The following NFIX variants were observed in gnomAD, a reference collection of about 807,000 sequenced individuals.
NFIX encodes nuclear factor I X, also known as nuclear factor 1 X-type.
NFIX carries 2 observed loss-of-function variants against 53.3 expected under a neutral mutation model. That is an observed-to-expected ratio of 0.04 (90% CI 0.02 to 0.12). The LOEUF is 0.12. Among genes scored for constraint, NFIX ranks in the 10% least tolerant of loss-of-function variants. The pLI is 1.00. For missense variants in NFIX, 310 were observed against 674.5 expected (o/e 0.46, Z 5.99); for synonymous variants, 244 against 289.0 (o/e 0.84, Z 1.58).
rs768488517 is a variant in NFIX at position 13,028,427 on chromosome 19, G to C, written c.559+2875G>C. Among the ~76,000 whole-genome samples the C allele has an allele frequency of 6.6e-6, 1 of 152,184 alleles. No homozygotes were observed. The highest frequency in any genetic ancestry group is 1.5e-5 in the Non-Finnish European group (1 of 68,044). The stretch of plus-strand genomic sequence containing the variant: ...ATGTGGTGGTAAATGTGGGGGTGTG[G>C]CTTTGCTCCCAGGTGCCATTGTCAC... On this transcript the variant is annotated intron_variant, in intron 2 of 10. Transcript: ENST00000592199. The surrounding 1 kb of genome is among the most constrained non-coding windows in gnomAD (Gnocchi z 4.2).
rs1420907344 is a variant in NFIX, at chr19:13,060,802, C to T, written c.560-12245C>T. Among the ~76,000 whole-genome samples the T allele has an allele frequency of 6.6e-6, 1 of 151,680 alleles. No individual in the cohort carries two copies. The highest frequency in any genetic ancestry group is 2.4e-5 in the African/African-American group (1 of 41,278). ...CACCTCGGCTAACCTCCCAGCGGAA[C>T]AAAGGGGCCTTTCTCCACGCCCGCC... On this transcript the variant is annotated intron_variant, in intron 2 of 10. Transcript: ENST00000592199. The surrounding 1 kb of genome is among the most constrained non-coding windows in gnomAD (Gnocchi z 4.3).
In NFIX at chr19:13,022,487, C is replaced by T. The variant is rs1234977037; in HGVS notation, c.28-2534C>T. On this transcript the variant is annotated intron_variant, in intron 1 of 10. Transcript: ENST00000592199. The surrounding 1 kb of genome is among the most constrained non-coding windows in gnomAD (Gnocchi z 4.5). ...GCCCTGGAAGTACTGCTGGCATGGACACTTTCTGAGCTCTCTTTCTTCTTA... is the reference window on the plus strand; with the variant it reads ...GCCCTGGAAGTACTGCTGGCATGGATACTTTCTGAGCTCTCTTTCTTCTTA... 3.3e-5 allele frequency among the ~76,000 whole-genome samples: 5 copies of T among 152,098 alleles called. No homozygotes were observed. Among genetic ancestry groups the T allele is most frequent in the Non-Finnish European group, 7.4e-5 (5 of 68,020 alleles).
chr19:12,997,352 CGT>C (rs1345557624), intron 1 of NFIX, among the ~76,000 whole-genome samples: 2 of 152,316 alleles, frequency 1.3e-5, no homozygotes, highest in East Asian at 3.9e-4. Flanking sequence ...GTGGCATGGC[CGT>C]GTGTGTGGCC....
chr19:13,051,827 G>A lies in NFIX; in HGVS notation c.560-21220G>A, dbSNP rs1324288970. On this transcript the variant is annotated intron_variant, in intron 2 of 10. Coordinates refer to ENST00000592199, the MANE Select transcript of NFIX (RefSeq NM_001365902.3). The surrounding 1 kb of genome is among the most constrained non-coding windows in gnomAD (Gnocchi z 5.1). ...AGGGGTTAAAGAAACACAACCCGCC[G>A]CTGCCGCCTTAGCAGGTGCCTGGAG... Among the ~76,000 whole-genome samples, 4 of 152,332 alleles carry A rather than the reference G, an allele frequency of 2.6e-5. 1 individual carries two copies. In the South Asian group the frequency reaches 6.2e-4, roughly 24 times the overall value.
At chr19:13,019,994 C>T (rs1404161309) in intron 1 of NFIX, among the ~76,000 whole-genome samples, 3 of 151,698 alleles carry the variant, frequency 2.0e-5, no homozygotes, top group Non-Finnish European at 2.9e-5. Context: ...CCCCATTTCC[C>T]ATGTCCTTCT....
rs1357886881 is a variant in NFIX, at chr19:13,037,839, G to C, written c.559+12287G>C. On this transcript the variant is annotated intron_variant, in intron 2 of 10. Transcript: ENST00000592199. This position sits in a 1 kb window ranked among gnomAD's most constrained non-coding sequence, Gnocchi z 4.2. ...GGGAGGGTGCTATTGGAATCTAGTG[G>C]GAAGAGTCTACTGCATATGACAGTC... 1.3e-5 allele frequency among the ~76,000 whole-genome samples: 2 copies of C among 152,206 alleles called. No individual in the cohort carries two copies. Among genetic ancestry groups the C allele is most frequent in the East Asian group, 3.9e-4 (2 of 5,180 alleles).
Position 12,998,253 on chromosome 19 carries a change from C to T in NFIX, c.27+2389C>T, listed in dbSNP as rs1042570891. Among the ~76,000 whole-genome samples the T allele has an allele frequency of 6.6e-6, 1 of 152,004 alleles. No homozygotes were observed. The highest frequency in any genetic ancestry group is 6.6e-5 in the Admixed American group (1 of 15,248). Reference sequence around the variant, plus strand: ...TCTCTGATTCCAGTTTTGGCCCCATCTCTGCTCCCCCCTCCACTGGCGTCT... The same window carrying T: ...TCTCTGATTCCAGTTTTGGCCCCATTTCTGCTCCCCCCTCCACTGGCGTCT... On this transcript the variant is annotated intron_variant, in intron 1 of 10. Transcript: ENST00000592199. This position sits in a 1 kb window ranked among gnomAD's most constrained non-coding sequence, Gnocchi z 4.4.
At chr19:13,039,760 G>A (rs775449091) in intron 2 of NFIX, among the ~76,000 whole-genome samples, 19 of 152,174 alleles carry the variant, frequency 1.2e-4, no homozygotes, top group Non-Finnish European at 2.1e-4. Context: ...CTGGAATCTT[G>A]GAGCTGGGAC....
At chr19:13,076,763 G>A (rs1042351956) in intron 6 of NFIX, among the ~76,000 whole-genome samples, 21 of 152,328 alleles carry the variant, frequency 1.4e-4, no homozygotes, top group African/African-American at 4.8e-4. Flanking sequence ...GTGGAGCGAG[G>A]TGGGGCTGGG....
At position 13,006,615 on chromosome 19, in the gene NFIX, G is replaced by C. The variant is rs1276516031; in HGVS notation, c.27+10751G>C. Among the ~76,000 whole-genome samples, 2 of 152,170 alleles carry C rather than the reference G, an allele frequency of 1.3e-5. No homozygotes were observed. Among genetic ancestry groups the C allele is most frequent in the African/African-American group, 2.4e-5 (1 of 41,446 alleles). ...ATTTAGCTCCCCCGGGGCGGGCTGG[G>C]TTTATTTTTACCCCAGCCTGTCACC... On this transcript the variant is annotated intron_variant, in intron 1 of 10. Coordinates refer to ENST00000592199, the MANE Select transcript of NFIX (RefSeq NM_001365902.3). The surrounding 1 kb of genome is among the most constrained non-coding windows in gnomAD (Gnocchi z 5.6).
rs192117619 is a variant in NFIX at position 13,068,968 on chromosome 19, G to A, written c.560-4079G>A. 3.3e-5 allele frequency among the ~76,000 whole-genome samples: 5 copies of A among 152,352 alleles called. No individual in the cohort carries two copies. The highest frequency in any genetic ancestry group is 3.9e-4 in the East Asian group (2 of 5,188). The stretch of plus-strand genomic sequence containing the variant: ...GCCTGGCCCAGAAACCAGGGACCCC[G>A]AATGCCAGCCTGGCCAAGGCACCTG... On this transcript the variant is annotated intron_variant, in intron 2 of 10. Transcript: ENST00000592199. The surrounding 1 kb of genome is among the most constrained non-coding windows in gnomAD (Gnocchi z 4.2).
chr19:13,085,182 A>C (rs952402335), intron 8 of NFIX, among the ~76,000 whole-genome samples: 8 of 152,220 alleles, frequency 5.3e-5, no homozygotes, highest in Non-Finnish European at 8.8e-5. Context: ...TGAGGTTTTT[A>C]AAACCTCAAC....
rs2014785413 is a variant in NFIX, at chr19:13,043,603, AG to A, written c.559+18052del. On this transcript the variant is annotated intron_variant, in intron 2 of 10. Coordinates refer to ENST00000592199, the MANE Select transcript of NFIX (RefSeq NM_001365902.3). This position sits in a 1 kb window ranked among gnomAD's most constrained non-coding sequence, Gnocchi z 4.0. ...CTTGAAGGGGGACCAGGGGAGGGTG[AG>A]CTGTTGCTGTGGACTGTGGACTTTG... is the stretch of plus-strand genomic sequence containing the variant. Among the ~76,000 whole-genome samples the A allele has an allele frequency of 6.6e-6, 1 of 152,148 alleles. No homozygotes were observed.
At chr19:13,085,398 CCT>C (rs1429365309) in intron 8 of NFIX, among the ~76,000 whole-genome samples, 1 of 152,184 alleles carries the variant, frequency 6.6e-6, no homozygotes, top group African/African-American at 2.4e-5. Context: ...GCTTGGAAGG[CCT>C]CTGTGTCCCA....
At chr19:13,092,526 C>T (rs768541004) in intron 10 of NFIX, among the ~76,000 whole-genome samples, 13 of 152,244 alleles carry the variant, frequency 8.5e-5, no homozygotes, top group African/African-American at 1.2e-4. Context: ...AGTGTGAGGC[C>T]CTGGCATGAT....
At chr19:13,074,057 C>T in intron 5 of NFIX, 31 bp downstream of exon 5, 2 of 1,613,020 alleles carry the variant, frequency 1.2e-6, no homozygotes, top group Non-Finnish European at 8.5e-7. Flanking sequence ...TTTCCATCTT[C>T]TCTCCACTCC....
chr19:13,032,220 C>CAA (rs2013870734), intron 2 of NFIX, among the ~76,000 whole-genome samples: 3 of 152,156 alleles, frequency 2.0e-5, no homozygotes, highest in Non-Finnish European at 4.4e-5. Flanking sequence ...CCCTGGAACT[C>CAA]CTTTCTGAGT....
chr19:13,023,940 TCCCCCCTCCCC>T, intron 1 of NFIX: 2 of 212,728 alleles, frequency 9.4e-6, no homozygotes, highest in Non-Finnish European at 1.7e-5. Context: ...CTCCTCCTCC[TCCCCCCTCCCC>T]CCACCCGCCC....
chr19:13,018,375 G>A (rs1049822781), intron 1 of NFIX, among the ~76,000 whole-genome samples: 1 of 145,514 alleles, frequency 6.9e-6, no homozygotes, highest in African/African-American at 2.5e-5. Flanking sequence ...AGAGAAGTGT[G>A]CGGCCTGGCT....
Sources: allele counts gnomAD v4.1 joint callset (sites outside exome capture counted in the v4.1 genomes callset), GRCh38; gene constraint gnomAD v4.1.1; non-coding constraint Gnocchi (gnomAD v3.1); transcripts MANE v1.5; gene names NCBI Gene and HGNC (gene_info 2026-07-23, HGNC 2026-07-21).